Variants in MOV10 observed in about 807,000 individuals in gnomAD.
The protein encoded by MOV10 is RNA helicase MOV-10.
Under a neutral mutation model 108.4 loss-of-function variants are expected in MOV10, and 39 were observed. The observed-to-expected ratio is 0.36, with a 90% confidence interval of 0.28 to 0.47. The LOEUF is 0.47. Among genes scored for constraint, MOV10 ranks in the 20% least tolerant of loss-of-function variants. MOV10 has a pLI of 1.00. For synonymous variants in MOV10, 490 were observed against 523.1 expected, an observed-to-expected ratio of 0.94 and a Z score of 0.86; for missense variants, 952 against 1,297.6, an observed-to-expected ratio of 0.73 and a Z score of 4.09.
At chr1:112,689,314 C>A in intron 3 of MOV10, 101 bp from the exon 4 acceptor site, 2 of 1,288,416 alleles carry the variant, frequency 1.6e-6, no homozygotes, top group East Asian at 2.4e-5. Context: ...CTAAGCACAG[C>A]TGGCACTTTG....
At chr1:112,692,113 T>TA (rs1408184880) in intron 6 of MOV10, among the ~76,000 whole-genome samples, 1 of 152,196 alleles carries the variant, frequency 6.6e-6, no homozygotes, top group African/African-American at 2.4e-5. Context: ...GTGGATCATT[T>TA]AAGCCCAAGA....
intron 11 of MOV10, 44 bp downstream of exon 11, chr1:112,695,618 G>A (rs775282792): frequency 6.2e-5 from 99 of 1,594,128 alleles, no homozygotes; most frequent in Admixed American, 1.7e-5. Flanking sequence ...AAATGCCGGG[G>A]AGGCTCTCAG....
chr1:112,700,336 C>G lies in MOV10; in HGVS notation c.2916C>G (p.Thr972=), dbSNP rs758392699. ...LQGLSKLSPS[T]SGPHSHDYLP... ...GTCTGAGCAAGCTCAGCCCCTCTAC[C>G]TCAGGTATGGCTGGGCCAGGGTGGG... Residue 972 remains threonine, a synonymous_variant, in exon 20 of 21, where the codon ACC becomes ACG. Coordinates refer to ENST00000369645, the MANE Select transcript of MOV10 (RefSeq NM_001321324.2). The G allele has an allele frequency of 6.2e-7, 1 of 1,614,100 alleles. No individual in the cohort carries two copies. The highest frequency in any genetic ancestry group is 1.3e-5 in the African/African-American group (1 of 74,936).
rs1557774105 is a variant in MOV10, at chr1:112,699,695, T to C, written c.2594T>C (p.Val865Ala). ...CTCTTTCCCCACTAGGTGGGTTCAG[T>C]AGAAGAATTCCAAGGCCAAGAACGA... The part of the protein sequence containing the change: ...DDIKDLKVGS[V>A]EEFQGQERSV... Residue 865 changes from valine to alanine, a missense_variant, in exon 18 of 21, where the codon GTA becomes GCA. Physicochemically the swap from Val to Ala is moderately conservative, Grantham distance 64 (BLOSUM62 0). Transcript: ENST00000369645. 6.2e-7 allele frequency: 1 copy of C among 1,614,166 alleles called. No homozygotes were observed. Among genetic ancestry groups the C allele is most frequent in the Admixed American group, 1.7e-5 (1 of 60,024 alleles).
intron 17 of MOV10, 155 bp from the exon 18 acceptor site, chr1:112,699,530 C>G: frequency 6.8e-7 from 1 of 1,477,584 alleles, no homozygotes; most frequent in Non-Finnish European, 8.9e-7. Context: ...ACCTCCCATC[C>G]CCTTTCCCTG....
In MOV10 at chr1:112,700,552, C is replaced by G. The variant is rs899627698; in HGVS notation, c.*45C>G. The G allele has an allele frequency of 6.2e-7, 1 of 1,604,546 alleles. No individual in the cohort carries two copies. The highest frequency in any genetic ancestry group is 8.5e-7 in the Non-Finnish European group (1 of 1,175,216). Reference sequence around the variant, plus strand: ...CTCGCACCAGCCAAGCCTTAACTGCCTGCCTGACCCTGAACCAGAACCCAG... The same window carrying G: ...CTCGCACCAGCCAAGCCTTAACTGCGTGCCTGACCCTGAACCAGAACCCAG... On this transcript the variant is annotated 3_prime_UTR_variant, in exon 21 of 21. Coordinates refer to ENST00000369645, the MANE Select transcript of MOV10 (RefSeq NM_001321324.2).
At chr1:112,688,791 C>G (rs1673295328) in intron 2 of MOV10, 144 bp from the exon 3 acceptor site, 3 of 1,484,372 alleles carry the variant, frequency 2.0e-6, no homozygotes, top group African/African-American at 1.4e-5. Context: ...GCCTGAGTCT[C>G]TCTGTCTCTG....
intron 2 of MOV10, among the ~76,000 whole-genome samples, chr1:112,680,798 G>A (rs1049286218): frequency 5.4e-5 from 8 of 149,098 alleles, no homozygotes; most frequent in Non-Finnish European, 8.9e-5. Context: ...CACCTCTCGG[G>A]TTCAAGCAAT....
chr1:112,697,336 G>A (rs1260017361), intron 14 of MOV10, among the ~76,000 whole-genome samples: 1 of 152,132 alleles, frequency 6.6e-6, no homozygotes, highest in Non-Finnish European at 1.5e-5. Flanking sequence ...CAGGCATAGT[G>A]ACAGGCACCT....
intron 2 of MOV10, among the ~76,000 whole-genome samples, chr1:112,686,721 C>T (rs1673107403): frequency 6.6e-6 from 1 of 152,182 alleles, no homozygotes; most frequent in Non-Finnish European, 1.5e-5. Context: ...TCTTGTCTTA[C>T]ATCCTATCTC....
chr1:112,700,122 G>A (rs1373503052), intron 19 of MOV10, 97 bp from the exon 20 acceptor site: 12 of 1,596,072 alleles, frequency 7.5e-6, no homozygotes, highest in Non-Finnish European at 9.4e-6. Flanking sequence ...GTATTTATAA[G>A]TTAAATGACA....
intron 5 of MOV10, 84 bp from the exon 6 acceptor site, chr1:112,691,581 G>C (rs1315604944): frequency 6.5e-7 from 1 of 1,527,510 alleles, no homozygotes; most frequent in Non-Finnish European, 8.9e-7. Context: ...TTGCAGGAGG[G>C]CTTTGTGCAT....
intron 15 of MOV10, 22 bp from the exon 16 acceptor site, chr1:112,698,265 T>C (rs747157452): frequency 1.2e-6 from 2 of 1,607,572 alleles, no homozygotes; most frequent in Non-Finnish European, 1.7e-6. Context: ...TGGCTGACGG[T>C]TTCCCCCGAC....
At position 112,695,488 on chromosome 1, in the gene MOV10, C is replaced by G; in HGVS notation, c.1693C>G (p.Gln565Glu). ...PSNSGADLLCQRLRVHLPSSI... is the reference protein window; with the variant it reads ...PSNSGADLLCERLRVHLPSSI... ...CAACTCAGGGGCTGACCTACTCTGT[C>G]AAAGGCTCCGGGTCCACCTTCCTAG... Residue 565 changes from glutamine to glutamate, a missense_variant, in exon 11 of 21, where the codon CAA becomes GAA. Gln to Glu is a conservative substitution (Grantham distance 29). Coordinates refer to ENST00000369645, the MANE Select transcript of MOV10 (RefSeq NM_001321324.2). 6.2e-7 allele frequency: 1 copy of G among 1,614,224 alleles called. No individual in the cohort carries two copies. Among genetic ancestry groups the G allele is most frequent in the Admixed American group, 1.7e-5 (1 of 60,032 alleles).
intron 5 of MOV10, 110 bp from the exon 6 acceptor site, chr1:112,691,555 C>T: frequency 7.2e-7 from 1 of 1,392,500 alleles, no homozygotes; most frequent in Non-Finnish European, 9.8e-7. Context: ...CTGCTGACTT[C>T]CCTTCAGCAG....
Position 112,675,116 on chromosome 1 carries a change from G to C in MOV10, c.137+67G>C. The C allele has an allele frequency of 6.4e-7, 1 of 1,554,580 alleles. No individual in the cohort carries two copies. Among genetic ancestry groups the C allele is most frequent in the Non-Finnish European group, 8.7e-7 (1 of 1,153,608 alleles). On this transcript the variant is annotated intron_variant, in intron 2 of 20. Transcript: ENST00000369645. This position sits in a 1 kb window ranked among gnomAD's most constrained non-coding sequence, Gnocchi z 4.7. Reference sequence around the variant, plus strand: ...CTTGCTGCCACGACCCCCGCGCGAGGGCCACCTTTCCCGCCCCGGGGCGCA... The same window carrying C: ...CTTGCTGCCACGACCCCCGCGCGAGCGCCACCTTTCCCGCCCCGGGGCGCA...
chr1:112,691,001 G>A (rs910272248), intron 5 of MOV10, among the ~76,000 whole-genome samples: 3 of 152,128 alleles, frequency 2.0e-5, no homozygotes, highest in Non-Finnish European at 1.5e-5. Flanking sequence ...CAAACTAGCC[G>A]GGTGTGGTGG....
Position 112,699,690 on chromosome 1 carries a change from T to C in MOV10, c.2589T>C (p.Gly863=). The C allele has an allele frequency of 6.2e-7, 1 of 1,614,086 alleles. No individual in the cohort carries two copies. The highest frequency in any genetic ancestry group is 8.5e-7 in the Non-Finnish European group (1 of 1,180,012). ...GLDDIKDLKV[G]SVEEFQGQER... is the part of the protein sequence containing the mutation. The stretch of plus-strand genomic sequence containing the variant: ...CCTGCCTCTTTCCCCACTAGGTGGG[T>C]TCAGTAGAAGAATTCCAAGGCCAAG... The change falls in exon 18 of 21, where the codon GGT becomes GGC. Residue 863 remains glycine (G), a synonymous_variant. Transcript: ENST00000369645.
chr1:112,696,794 G>A lies in MOV10; in HGVS notation c.2146G>A (p.Gly716Ser). The A allele has an allele frequency of 6.2e-7, 1 of 1,605,736 alleles. No individual in the cohort carries two copies. Reference protein sequence around the residue: ...LLTYNSLYKKGPDGYDPQFIT... With the variant: ...LLTYNSLYKKSPDGYDPQFIT... ...CACCTACAACTCCCTGTACAAGAAG[G>A]GCCCTGATGGCTATGACCCCCAGTT... is the stretch of plus-strand genomic sequence containing the variant. Residue 716 changes from glycine to serine, a missense_variant, in exon 14 of 21, where the codon GGC becomes AGC. Physicochemically the swap from Gly to Ser is moderately conservative, Grantham distance 56. Transcript: ENST00000369645.
Sources: gnomAD v4.1 joint callset for allele counts (sites outside exome capture counted in the v4.1 genomes callset) on GRCh38, gnomAD v4.1.1 for gene constraint, Gnocchi (gnomAD v3.1) non-coding constraint, MANE v1.5 for transcripts, NCBI Gene and HGNC (gene_info 2026-07-23, HGNC 2026-07-21) for gene names.